LRRTM4: variants seen among roughly 807,000 people sequenced by gnomAD.
The protein encoded by LRRTM4 is leucine-rich repeat transmembrane neuronal protein 4.
In LRRTM4, 25 loss-of-function variants were observed where a neutral mutation model predicts 47.6. That is an observed-to-expected ratio of 0.53 (90% CI 0.38 to 0.73). LRRTM4 has a LOEUF of 0.73. Ranked by LOEUF, LRRTM4 falls within the 30% of genes least tolerant of loss-of-function variation. The pLI is 0.00. For missense variants in LRRTM4, 638 were observed against 713.4 expected (o/e 0.89, Z 1.20); for synonymous variants, 311 against 269.5 (o/e 1.15, Z -1.51).
At chr2:77,094,192 C>T (rs1295404310) in intron 3 of LRRTM4, among the ~76,000 whole-genome samples, 2 of 151,850 alleles carry the variant, frequency 1.3e-5, no homozygotes, top group African/African-American at 4.8e-5. Flanking sequence ...AATAGCAACA[C>T]AAAATATAAA....
chr2:76,910,536 A>G (rs1470632659), intron 3 of LRRTM4, among the ~76,000 whole-genome samples: 1 of 152,168 alleles, frequency 6.6e-6, no homozygotes, highest in African/African-American at 2.4e-5. Context: ...TAGCACCATT[A>G]TTACGAAGAA....
chr2:77,176,768 G>C (rs900150854), intron 3 of LRRTM4, among the ~76,000 whole-genome samples: 6 of 152,154 alleles, frequency 3.9e-5, no homozygotes, highest in African/African-American at 1.4e-4. Context: ...TTGCTCCTGA[G>C]ATAGGAATCT....
At chr2:76,837,943 G>A (rs1275103485) in intron 3 of LRRTM4, among the ~76,000 whole-genome samples, 1 of 151,746 alleles carries the variant, frequency 6.6e-6, no homozygotes, top group Admixed American at 6.6e-5. Context: ...TTGTGGGGTG[G>A]GGGTAGGGGG....
intron 3 of LRRTM4, among the ~76,000 whole-genome samples, chr2:77,420,150 G>A (rs1674817283): frequency 6.6e-6 from 1 of 152,168 alleles, no homozygotes; most frequent in Non-Finnish European, 1.5e-5. Context: ...CTGTTCATCT[G>A]AGGACCTCAG....
intron 3 of LRRTM4, among the ~76,000 whole-genome samples, chr2:76,773,624 A>G (rs1003171145): frequency 8.6e-5 from 13 of 151,822 alleles, no homozygotes; most frequent in African/African-American, 2.7e-4. Context: ...AAAATAAAAA[A>G]TAAATAATAA....
chr2:77,437,386 A>T (rs1421723517), intron 3 of LRRTM4, among the ~76,000 whole-genome samples: 1 of 152,090 alleles, frequency 6.6e-6, no homozygotes, highest in Non-Finnish European at 1.5e-5. Context: ...GCAAGAAAAC[A>T]AGGTAATTGC....
intron 3 of LRRTM4, among the ~76,000 whole-genome samples, chr2:77,204,109 CA>C (rs2103906106): frequency 6.6e-6 from 1 of 152,180 alleles, no homozygotes; most frequent in Admixed American, 6.6e-5. Context: ...ACATGTTACC[CA>C]TGTTATGAAC....
At chr2:77,037,131 G>C (rs1198590472) in intron 3 of LRRTM4, among the ~76,000 whole-genome samples, 3 of 151,652 alleles carry the variant, frequency 2.0e-5, no homozygotes, top group African/African-American at 4.8e-5. Flanking sequence ...CCACTGCTAG[G>C]CTGTAATCAT....
At chr2:76,897,781 G>A (rs1673472992) in intron 3 of LRRTM4, among the ~76,000 whole-genome samples, 2 of 152,102 alleles carry the variant, frequency 1.3e-5, no homozygotes, top group South Asian at 2.1e-4. Flanking sequence ...CCATTGCACA[G>A]TTAGGATTGT....
At chr2:77,073,740 A>G (rs1224590449) in intron 3 of LRRTM4, among the ~76,000 whole-genome samples, 1 of 152,014 alleles carries the variant, frequency 6.6e-6, no homozygotes, top group Non-Finnish European at 1.5e-5. Context: ...CCCTTCCTTT[A>G]TAATGTTTTT....
chr2:77,030,327 G>A (rs546059988), intron 3 of LRRTM4, among the ~76,000 whole-genome samples: 3 of 152,186 alleles, frequency 2.0e-5, no homozygotes, highest in East Asian at 3.9e-4. Flanking sequence ...CCAGCTACTC[G>A]GGAGGCTGAG....
intron 3 of LRRTM4, among the ~76,000 whole-genome samples, chr2:76,806,786 T>G (rs1027097754): frequency 6.6e-6 from 1 of 152,182 alleles, no homozygotes; most frequent in Non-Finnish European, 1.5e-5. Context: ...ATCTACCAGC[T>G]TATATGTATT....
chr2:77,182,631 AC>A (rs1673381974), intron 3 of LRRTM4, among the ~76,000 whole-genome samples: 1 of 152,138 alleles, frequency 6.6e-6, no homozygotes, highest in Non-Finnish European at 1.5e-5. Context: ...TCATATGCAA[AC>A]AGGGACAATT....
At chr2:77,148,364 G>C (rs72807281) in intron 3 of LRRTM4, among the ~76,000 whole-genome samples, 1,544 of 152,104 alleles carry the variant, frequency 0.01, 25 homozygotes, top group East Asian at 0.084. Context: ...ATTGAGTTGG[G>C]GACTTTCATT....
At chr2:77,496,151 T>C (rs1374403695) in intron 3 of LRRTM4, among the ~76,000 whole-genome samples, 1 of 151,966 alleles carries the variant, frequency 6.6e-6, no homozygotes, top group African/African-American at 2.4e-5. Flanking sequence ...TTTTGATTGC[T>C]ATTAATATAG....
intron 3 of LRRTM4, among the ~76,000 whole-genome samples, chr2:77,061,585 G>C (rs568370582): frequency 6.0e-4 from 92 of 152,228 alleles, no homozygotes; most frequent in Non-Finnish European, 1.1e-3. Context: ...GGCCAGATTA[G>C]CAAGATTAAA....
intron 3 of LRRTM4, among the ~76,000 whole-genome samples, chr2:77,406,218 T>C (rs376483158): frequency 9.2e-5 from 14 of 151,750 alleles, no homozygotes; most frequent in Middle Eastern, 3.4e-3. Flanking sequence ...TTGACTAGAG[T>C]CTGGACAAAT....
At chr2:77,345,359 G>C (rs1304670900) in intron 3 of LRRTM4, among the ~76,000 whole-genome samples, 1 of 151,690 alleles carries the variant, frequency 6.6e-6, no homozygotes, top group Non-Finnish European at 1.5e-5. Context: ...AGAAGGAAAA[G>C]GCAAGCCAAA....
At position 77,188,028 on chromosome 2, in the gene LRRTM4, T is replaced by A. The variant is rs188484836; in HGVS notation, c.1551+330290A>T. ...AGATTTAAATTATACTACATACCAA[T>A]TTTACATTTAGCTTTTAGTTCTTAA... On this transcript the variant is annotated intron_variant, in intron 3 of 3. Transcript: ENST00000409884. Among the ~76,000 whole-genome samples the A allele has an allele frequency of 1.1e-3, 170 of 152,284 alleles. 2 individuals carry two copies. The highest frequency in any genetic ancestry group is 3.3e-3 in the African/African-American group (136 of 41,566).
Sources: allele counts gnomAD v4.1 joint callset (sites outside exome capture counted in the v4.1 genomes callset), GRCh38; gene constraint gnomAD v4.1.1; transcripts MANE v1.5; gene names NCBI Gene and HGNC (gene_info 2026-07-23, HGNC 2026-07-21).